The following SLC25A21 variants were observed in gnomAD, a reference collection of about 807,000 sequenced individuals.
The protein encoded by SLC25A21 is solute carrier family 25 member 21, also known as mitochondrial 2-oxodicarboxylate carrier.
Under a neutral mutation model 43.8 loss-of-function variants are expected in SLC25A21, and 47 were observed. The observed-to-expected ratio is 1.07, with a 90% CI of 0.85 to 1.37. The LOEUF (loss-of-function observed/expected upper bound fraction) is 1.37. SLC25A21 is among the 40% of genes most tolerant of loss of function. The pLI is 0.00. For synonymous variants in SLC25A21, 131 were observed against 121.3 expected (o/e 1.08, Z -0.52); for missense variants, 352 against 350.2 (o/e 1.00, Z -0.04).
At chr14:37,142,618 G>A (rs1963589782) in intron 1 of SLC25A21, among the ~76,000 whole-genome samples, 2 of 152,144 alleles carry the variant, frequency 1.3e-5, no homozygotes, top group South Asian at 4.1e-4. Context: ...CGAGTAGCTG[G>A]GATTAGGGCC....
chr14:36,812,916 T>C (rs531243919), intron 3 of SLC25A21, among the ~76,000 whole-genome samples: 2 of 152,256 alleles, frequency 1.3e-5, no homozygotes, highest in African/African-American at 2.4e-5. Flanking sequence ...CATCATAAAG[T>C]TGTAAGAAGA....
intron 2 of SLC25A21, among the ~76,000 whole-genome samples, chr14:36,825,924 A>G (rs848071): frequency 0.96 from 145,997 of 152,202 alleles, 70,320 homozygotes; most frequent in East Asian, 1. Flanking sequence ...AATTTAAGTG[A>G]GCAGATTAGA....
At chr14:37,167,385 T>C (rs1181167279) in intron 1 of SLC25A21, among the ~76,000 whole-genome samples, 4 of 152,112 alleles carry the variant, frequency 2.6e-5, no homozygotes, top group Non-Finnish European at 5.9e-5. Flanking sequence ...CATTGCAAAA[T>C]TGTAACTGAG....
intron 1 of SLC25A21, among the ~76,000 whole-genome samples, chr14:37,112,191 T>C (rs1209211976): frequency 6.6e-6 from 1 of 152,162 alleles, no homozygotes; most frequent in Non-Finnish European, 1.5e-5. Context: ...GGGCAATACA[T>C]TCCATAGAAT....
chr14:36,759,881 T>C (rs1408426558), intron 3 of SLC25A21, among the ~76,000 whole-genome samples: 1 of 151,924 alleles, frequency 6.6e-6, no homozygotes, highest in East Asian at 1.9e-4. Flanking sequence ...GGCAGGAGAA[T>C]CGTTTGAACC....
chr14:36,974,083 A>G lies in SLC25A21; in HGVS notation c.71-99079T>C, dbSNP rs146311048. On this transcript the variant is annotated intron_variant, in intron 1 of 9. Coordinates refer to ENST00000331299, the MANE Select transcript of SLC25A21 (RefSeq NM_030631.4). ...TTGACAAACTCCAAAAGAATTGAGTAGAAGTGAAATAAAAGGACACTGGGA... is the reference window on the plus strand; with the variant it reads ...TTGACAAACTCCAAAAGAATTGAGTGGAAGTGAAATAAAAGGACACTGGGA... Among the ~76,000 whole-genome samples, 75 of 152,362 alleles carry G rather than the reference A, an allele frequency of 4.9e-4. 1 individual carries two copies. Among genetic ancestry groups the G allele is most frequent in the Middle Eastern group, 3.4e-3 (1 of 294 alleles).
intron 2 of SLC25A21, among the ~76,000 whole-genome samples, chr14:36,859,371 AG>A (rs1331823204): frequency 2.0e-5 from 3 of 152,212 alleles, no homozygotes; most frequent in African/African-American, 7.2e-5. Flanking sequence ...AGTAAAAATA[AG>A]ATATTGTGTG....
At chr14:36,758,921 CT>C (rs1264337498) in intron 3 of SLC25A21, among the ~76,000 whole-genome samples, 6 of 152,212 alleles carry the variant, frequency 3.9e-5, no homozygotes, top group Non-Finnish European at 1.5e-5. Flanking sequence ...GATGATTTAG[CT>C]TTGCTTCTGG....
intron 2 of SLC25A21, among the ~76,000 whole-genome samples, chr14:36,852,091 T>C (rs927508649): frequency 4.6e-5 from 7 of 152,200 alleles, no homozygotes; most frequent in Non-Finnish European, 1.0e-4. Context: ...AGTCTTTAAC[T>C]TCAAATCCAA....
chr14:36,796,526 A>G (rs1223725924), intron 3 of SLC25A21, among the ~76,000 whole-genome samples: 4 of 151,982 alleles, frequency 2.6e-5, no homozygotes, highest in Non-Finnish European at 5.9e-5. Flanking sequence ...CAGGCGCTCC[A>G]TCAGATCCCA....
At chr14:36,999,613 G>T (rs1960444237) in intron 1 of SLC25A21, among the ~76,000 whole-genome samples, 3 of 152,164 alleles carry the variant, frequency 2.0e-5, no homozygotes. Flanking sequence ...ATGAGTGGAA[G>T]TAGAGGGTAT....
rs7154207 is a variant in SLC25A21 at position 36,738,584 on chromosome 14, C to A, written c.204-4011G>T. The stretch of plus-strand genomic sequence containing the variant: ...GAAGGCATTCTTCTCTCCGACATGA[C>A]GGCAAAGGCATCACTCTACTCTAAA... On this transcript the variant is annotated intron_variant, in intron 3 of 9. Transcript: ENST00000331299. Among the ~76,000 whole-genome samples, 2 of 152,258 alleles carry A rather than the reference C, an allele frequency of 1.3e-5. 1 individual carries two copies. The highest frequency in any genetic ancestry group is 4.8e-5 in the African/African-American group (2 of 41,526).
rs568807788 is a variant in SLC25A21 at position 37,055,070 on chromosome 14, G to A, written c.70+117211C>T. 1.0e-3 allele frequency among the ~76,000 whole-genome samples: 156 copies of A among 152,314 alleles called. 1 individual carries two copies. Among genetic ancestry groups the A allele is most frequent in the African/African-American group, 3.1e-3 (129 of 41,570 alleles). ...GTTTCACCCCCTTGTGACTGCAAGC[G>A]TCAACTGCGGAAATCTTATACCCTT... On this transcript the variant is annotated intron_variant, in intron 1 of 9. Transcript: ENST00000331299.
At chr14:36,768,389 TGA>T (rs1223485881) in intron 3 of SLC25A21, among the ~76,000 whole-genome samples, 3 of 152,212 alleles carry the variant, frequency 2.0e-5, no homozygotes, top group Admixed American at 6.5e-5. Context: ...GACAATGACT[TGA>T]GTTTGATTAC....
intron 9 of SLC25A21, among the ~76,000 whole-genome samples, chr14:36,681,682 G>C (rs1882270381): frequency 6.6e-6 from 1 of 151,982 alleles, no homozygotes; most frequent in South Asian, 2.1e-4. Context: ...ACTTCTGATG[G>C]AAAGAAATAG....
At chr14:36,822,476 G>A (rs1473377023) in intron 2 of SLC25A21, among the ~76,000 whole-genome samples, 2 of 152,162 alleles carry the variant, frequency 1.3e-5, no homozygotes, top group African/African-American at 2.4e-5. Context: ...TTAGGTGTAG[G>A]TGGGCAGAGC....
intron 1 of SLC25A21, among the ~76,000 whole-genome samples, chr14:36,891,185 A>G (rs962358641): frequency 2.0e-5 from 3 of 152,168 alleles, no homozygotes; most frequent in Non-Finnish European, 2.9e-5. Flanking sequence ...TATTAGCACT[A>G]AAAGAATCTC....
At chr14:37,061,837 C>G (rs1392435727) in intron 1 of SLC25A21, among the ~76,000 whole-genome samples, 1 of 152,178 alleles carries the variant, frequency 6.6e-6, no homozygotes, top group Non-Finnish European at 1.5e-5. Context: ...GTTCCCTGCA[C>G]TTCAAAAAAT....
At chr14:36,842,364 A>G (rs548478771) in intron 2 of SLC25A21, among the ~76,000 whole-genome samples, 1 of 152,254 alleles carries the variant, frequency 6.6e-6, no homozygotes, top group South Asian at 2.1e-4. Context: ...ATGACTTTAG[A>G]GGGGCTGATT....
Sources: gnomAD v4.1 joint callset for allele counts (sites outside exome capture counted in the v4.1 genomes callset) on GRCh38, gnomAD v4.1.1 for gene constraint, MANE v1.5 for transcripts, NCBI Gene and HGNC (gene_info 2026-07-23, HGNC 2026-07-21) for gene names.